ADAMTS2: variants seen among roughly 807,000 people sequenced by gnomAD.
ADAMTS2 encodes ADAM metallopeptidase with thrombospondin type 1 motif 2.
A neutral mutation model predicts 123.0 loss-of-function variants in ADAMTS2; 50 were observed. The ratio of observed to expected loss-of-function variants is 0.41; its 90% CI spans 0.32 to 0.51. ADAMTS2 has a LOEUF of 0.51. ADAMTS2 is among the 20% of genes least tolerant of loss of function. The probability of loss-of-function intolerance (pLI) is 0.35; values close to 1 mark genes in which losing one functional copy is unlikely to be tolerated. For missense variants in ADAMTS2, 1,494 were observed against 1,705.2 expected, an observed-to-expected ratio of 0.88 and a Z score of 2.18; for synonymous variants, 678 against 695.4, an observed-to-expected ratio of 0.98 and a Z score of 0.39.
chr5:179,248,956 G>C (rs369455798), intron 3 of ADAMTS2, among the ~76,000 whole-genome samples: 3 of 152,100 alleles, frequency 2.0e-5, no homozygotes, highest in Non-Finnish European at 4.4e-5. Flanking sequence ...CATGTATGAT[G>C]ATCATTCTCC....
intron 2 of ADAMTS2, among the ~76,000 whole-genome samples, chr5:179,288,553 A>G (rs1756093165): frequency 6.6e-6 from 1 of 152,160 alleles, no homozygotes; most frequent in South Asian, 2.1e-4. Context: ...GGGCGGGGGC[A>G]GGGCCCCAGC....
intron 2 of ADAMTS2, among the ~76,000 whole-genome samples, chr5:179,287,065 C>G (rs1485861234): frequency 6.6e-6 from 1 of 152,184 alleles, no homozygotes. Context: ...GTCACTCAGC[C>G]CATAACAGCC....
Position 179,137,829 on chromosome 5 carries a change from C to G in ADAMTS2, c.1891G>C (p.Asp631His), listed in dbSNP as rs770163811. ...DFREEQCRQW[D>H]LYFEHGDAQH... ...GCGTCGCCGTGCTCGAAGTACAGGT[C>G]CCACTGGCGGCACTGCTCCTCGCGG... The change falls in exon 12 of 22, where the codon GAC (aspartate) becomes CAC (histidine). Residue 631 changes from aspartate (D) to histidine (H), a missense_variant. By Grantham distance (81) the Asp-to-His change is moderately conservative. This residue lies in a region of ADAMTS2 where 953 missense variants were observed against 1,124.7 expected (regional missense o/e 0.85). Coordinates refer to ENST00000251582, the MANE Select transcript of ADAMTS2 (RefSeq NM_014244.5). 6.3e-7 allele frequency: 1 copy of G among 1,576,764 alleles called. No homozygotes were observed. The highest frequency in any genetic ancestry group is 1.2e-5 in the South Asian group (1 of 85,634).
intron 6 of ADAMTS2, among the ~76,000 whole-genome samples, chr5:179,157,697 T>A (rs1343747019): frequency 6.6e-6 from 1 of 151,760 alleles, no homozygotes; most frequent in African/African-American, 2.4e-5. Flanking sequence ...ATTTTTCCAA[T>A]GTCTAGTGAG....
At chr5:179,232,103 A>G (rs1415798545) in intron 3 of ADAMTS2, among the ~76,000 whole-genome samples, 5 of 152,146 alleles carry the variant, frequency 3.3e-5, no homozygotes. Flanking sequence ...TTAAAGTAAA[A>G]TCGATGCTCC....
At chr5:179,218,426 C>T (rs1765051875) in intron 3 of ADAMTS2, among the ~76,000 whole-genome samples, 1 of 152,242 alleles carries the variant, frequency 6.6e-6, no homozygotes, top group South Asian at 2.1e-4. Context: ...TGGAAGCAGG[C>T]AGGCTCTTTG....
chr5:179,261,803 C>T (rs1304570562), intron 3 of ADAMTS2, among the ~76,000 whole-genome samples: 2 of 152,212 alleles, frequency 1.3e-5, no homozygotes, highest in Non-Finnish European at 2.9e-5. Context: ...CCCGGCCAGT[C>T]TGGGGTCCCT....
chr5:179,326,322 C>T lies in ADAMTS2; in HGVS notation c.534+17445G>A, dbSNP rs553238718. 6.6e-5 allele frequency among the ~76,000 whole-genome samples: 10 copies of T among 151,984 alleles called. No individual in the cohort carries two copies. In the East Asian group the frequency reaches 1.6e-3, roughly 24 times the overall value. ...CCTCAGCCATGTCCTGAGGGGCTCT[C>T]GGTGATGTCAGCGGCTCCTGGCCTC... On this transcript the variant is annotated intron_variant, in intron 2 of 21. Coordinates refer to ENST00000251582, the MANE Select transcript of ADAMTS2 (RefSeq NM_014244.5).
chr5:179,222,891 G>A (rs1443820941), intron 3 of ADAMTS2, among the ~76,000 whole-genome samples: 2 of 152,160 alleles, frequency 1.3e-5, no homozygotes, highest in Non-Finnish European at 2.9e-5. Flanking sequence ...GCTTCTCCCA[G>A]GGCAGGAGCA....
At position 179,132,781 on chromosome 5, in the gene ADAMTS2, C is replaced by G; in HGVS notation, c.2205G>C (p.Lys735Asn). The G allele has an allele frequency of 1.2e-6, 2 of 1,614,110 alleles. No individual in the cohort carries two copies. The highest frequency in any genetic ancestry group is 1.7e-6 in the Non-Finnish European group (2 of 1,179,994). ...VKGTFTRSPK[K>N]HGYIKMFEIP... Reference sequence around the variant, plus strand: ...GGAGAGCAGGGACCCACTCACCATGCTTCTTGGGTGACCGTGTGAACGTGC... The same window carrying G: ...GGAGAGCAGGGACCCACTCACCATGGTTCTTGGGTGACCGTGTGAACGTGC... Residue 735 changes from lysine (K) to asparagine (N), a missense_variant, in exon 14 of 22, where the codon AAG becomes AAC. By Grantham distance (94) the Lys-to-Asn change is moderately conservative. Transcript: ENST00000251582. This position sits in a 1 kb window ranked among gnomAD's most constrained non-coding sequence, Gnocchi z 6.1.
At chr5:179,173,584 G>A (rs1763869849) in intron 5 of ADAMTS2, among the ~76,000 whole-genome samples, 3 of 152,186 alleles carry the variant, frequency 2.0e-5, no homozygotes, top group African/African-American at 4.8e-5. Flanking sequence ...GTTTGCTGTT[G>A]TTCACATGAG....
intron 12 of ADAMTS2, among the ~76,000 whole-genome samples, chr5:179,136,671 C>CAAAAAAAA (rs34900361): frequency 1.7e-5 from 1 of 59,108 alleles, no homozygotes; most frequent in African/African-American, 6.7e-5. Flanking sequence ...GACTCCATCT[C>CAAAAAAAA]AAAAAAAAAA....
In ADAMTS2 at chr5:179,197,250, C is replaced by A. The variant is rs537904859; in HGVS notation, c.891+10263G>T. Among the ~76,000 whole-genome samples the A allele has an allele frequency of 6.6e-6, 1 of 152,228 alleles. No homozygotes were observed. Among genetic ancestry groups the A allele is most frequent in the African/African-American group, 2.4e-5 (1 of 41,516 alleles). On this transcript the variant is annotated intron_variant, in intron 4 of 21. Transcript: ENST00000251582. The surrounding 1 kb of genome is among the most constrained non-coding windows in gnomAD (Gnocchi z 4.2). ...GGAGTGCGGTGGGACCAGGGGCTCA[C>A]AAAGACAGTTCAAGGTCTTTGTAGA...
rs757668864 is a variant in ADAMTS2, at chr5:179,307,173, C to T, written c.535-34109G>A. 2.1e-4 allele frequency among the ~76,000 whole-genome samples: 32 copies of T among 152,182 alleles called. No homozygotes were observed. The highest frequency in any genetic ancestry group is 6.5e-4 in the African/African-American group (27 of 41,460). ...TAGCATGAGACAGACACAGGGGGCC[C>T]GCACTGCAGAGCTGCCCCGGCCCAC... is the stretch of plus-strand genomic sequence containing the variant. On this transcript the variant is annotated intron_variant, in intron 2 of 21. Transcript: ENST00000251582. The surrounding 1 kb of genome is among the most constrained non-coding windows in gnomAD (Gnocchi z 5.6).
chr5:179,238,884 C>T (rs1465021903), intron 3 of ADAMTS2, among the ~76,000 whole-genome samples: 1 of 152,068 alleles, frequency 6.6e-6, no homozygotes, highest in Non-Finnish European at 1.5e-5. Flanking sequence ...CCCCAGGACC[C>T]TTCCACCATA....
intron 2 of ADAMTS2, among the ~76,000 whole-genome samples, chr5:179,341,517 G>A (rs1035265837): frequency 7.2e-5 from 11 of 151,728 alleles, no homozygotes; most frequent in Admixed American, 4.6e-4. Flanking sequence ...TGGCTAACAC[G>A]GTGAAACACC....
In ADAMTS2 at chr5:179,188,820, C is replaced by T. The variant is rs1054098166; in HGVS notation, c.892-7665G>A. Reference sequence around the variant, plus strand: ...CGGGGCTCCTCCACTTCCAGGCCAGCTCATCAATGCACAGAGCCCAGCAGG... The same window carrying T: ...CGGGGCTCCTCCACTTCCAGGCCAGTTCATCAATGCACAGAGCCCAGCAGG... On this transcript the variant is annotated intron_variant, in intron 4 of 21. Transcript: ENST00000251582. This position sits in a 1 kb window ranked among gnomAD's most constrained non-coding sequence, Gnocchi z 5.1. 6.6e-6 allele frequency among the ~76,000 whole-genome samples: 1 copy of T among 152,156 alleles called. No homozygotes were observed. The highest frequency in any genetic ancestry group is 1.5e-5 in the Non-Finnish European group (1 of 68,026).
chr5:179,211,698 C>T (rs745969529), intron 3 of ADAMTS2, among the ~76,000 whole-genome samples: 1 of 152,156 alleles, frequency 6.6e-6, no homozygotes, highest in Non-Finnish European at 1.5e-5. Context: ...CCAGGGAATT[C>T]CATCAGGGGA....
At chr5:179,320,953 C>G (rs1757152637) in intron 2 of ADAMTS2, among the ~76,000 whole-genome samples, 1 of 152,118 alleles carries the variant, frequency 6.6e-6, no homozygotes, top group Non-Finnish European at 1.5e-5. Context: ...GAGAGCAAAG[C>G]CAAGGGTTGG....
Sources: gnomAD v4.1 joint callset for allele counts (sites outside exome capture counted in the v4.1 genomes callset) on GRCh38, gnomAD v4.1.1 for gene constraint, gnomAD v4.1.1 regional missense constraint, Gnocchi (gnomAD v3.1) non-coding constraint, MANE v1.5 for transcripts, NCBI Gene and HGNC (gene_info 2026-07-23, HGNC 2026-07-21) for gene names.